The following IRGM variants were observed in gnomAD, a reference collection of about 807,000 sequenced individuals.
IRGM encodes immunity related GTPase M.
For synonymous variants in IRGM, 98 were observed against 80.6 expected (o/e 1.22, Z -1.16); for missense variants, 288 against 219.9 (o/e 1.31, Z -1.96).
At chr5:150,898,787 A>ATT (rs1214306157) in intron 3 of IRGM, among the ~76,000 whole-genome samples, 1 of 152,062 alleles carries the variant, frequency 6.6e-6, no homozygotes, top group Non-Finnish European at 1.5e-5. Context: ...GCATCCAAAT[A>ATT]ACTGGGAGGA....
intron 3 of IRGM, chr5:150,896,759 T>C: frequency 1.2e-6 from 2 of 1,613,810 alleles, no homozygotes; most frequent in Non-Finnish European, 8.5e-7. Context: ...ATTTATGCCC[T>C]GATGCCTCAG....
In IRGM at chr5:150,881,127, CA is replaced by C. The variant is rs34104883; in HGVS notation, c.*140+1495del. Among the ~76,000 whole-genome samples, 810 of 134,438 alleles carry C rather than the reference CA, an allele frequency of 6.0e-3. 2 individuals carry two copies. The highest frequency in any genetic ancestry group is 7.5e-3 in the African/African-American group (288 of 38,420). The allele number at this position is 134,438 out of a possible 152,430, so 88.2% of individuals were successfully genotyped here. On this transcript the variant is annotated intron_variant and NMD_transcript_variant, in intron 3 of 3. Coordinates refer to the IRGM transcript ENST00000520549. ...GGGTGACAAAAGCGAAACTCCATAT[CA>C]AAAAAAAAAAAAATAGCTTCGATTT... is the stretch of plus-strand genomic sequence containing the variant.
intron 2 of IRGM, chr5:150,878,157 T>C: frequency 2.5e-6 from 1 of 397,388 alleles, no homozygotes; most frequent in East Asian, 7.5e-5. Flanking sequence ...AGTTTAAAGT[T>C]TGGAAATAGT....
intron 3 of IRGM, among the ~76,000 whole-genome samples, chr5:150,884,372 A>G (rs1754487468): frequency 6.6e-6 from 1 of 152,040 alleles, no homozygotes; most frequent in Non-Finnish European, 1.5e-5. Context: ...GTAGAGTTGC[A>G]GTGAATATTT....
chr5:150,870,251 G>A (rs1370731924), intron 1 of IRGM, among the ~76,000 whole-genome samples: 2 of 151,998 alleles, frequency 1.3e-5, no homozygotes, highest in South Asian at 2.1e-4. Flanking sequence ...CCCTAACCTC[G>A]GCAAAATAAA....
chr5:150,881,680 A>G (rs1754447653), intron 3 of IRGM, among the ~76,000 whole-genome samples: 1 of 152,178 alleles, frequency 6.6e-6, no homozygotes, highest in Non-Finnish European at 1.5e-5. Flanking sequence ...CATCACTGCA[A>G]TAATTTAAGG....
chr5:150,898,049 A>T, intron 3 of IRGM: 2 of 1,605,096 alleles, frequency 1.2e-6, no homozygotes, highest in Non-Finnish European at 1.7e-6. Context: ...ACATAAATTG[A>T]TATTTCACTT....
chr5:150,862,897 G>A lies in IRGM; in HGVS notation c.158+14243G>A, dbSNP rs116512212. ...AATGAACACACCAGCCTCACTTTCC[G>A]TCTGGCACTACTGCTGCCCATTGGC... is the stretch of plus-strand genomic sequence containing the variant. On this transcript the variant is annotated intron_variant and NMD_transcript_variant, in intron 1 of 3. Transcript: ENST00000520549. Among the ~76,000 whole-genome samples, 658 of 152,234 alleles carry A rather than the reference G, an allele frequency of 4.3e-3. 10 individuals are homozygous for A. Among genetic ancestry groups the A allele is most frequent in the African/African-American group, 0.014 (597 of 41,538 alleles).
At chr5:150,870,509 CTTTT>C (rs60200385) in intron 1 of IRGM, among the ~76,000 whole-genome samples, 4,666 of 135,600 alleles carry the variant, frequency 0.034, 239 homozygotes, top group African/African-American at 0.12. Flanking sequence ...TATACAACTC[CTTTT>C]TTTTTTTTTT....
chr5:150,883,091 A>G (rs1362724144), intron 3 of IRGM, among the ~76,000 whole-genome samples: 9 of 152,144 alleles, frequency 5.9e-5, no homozygotes, highest in Non-Finnish European at 1.2e-4. Context: ...TATTTCATGG[A>G]AATTAAACAG....
chr5:150,862,392 A>T (rs1754149224), intron 1 of IRGM, among the ~76,000 whole-genome samples: 1 of 152,226 alleles, frequency 6.6e-6, no homozygotes, highest in Non-Finnish European at 1.5e-5. Flanking sequence ...ACAAGGGGTG[A>T]ATATCAAAGG....
intron 1 of IRGM, among the ~76,000 whole-genome samples, chr5:150,864,150 C>CA (rs1218495798): frequency 2.0e-5 from 3 of 151,948 alleles, no homozygotes; most frequent in South Asian, 2.1e-4. Flanking sequence ...GGCTACAGGA[C>CA]AAAATCTTAC....
intron 3 of IRGM, chr5:150,895,622 G>A (rs774059963): frequency 1.2e-6 from 2 of 1,613,178 alleles, no homozygotes; most frequent in South Asian, 2.2e-5. Flanking sequence ...GAATTCGCTG[G>A]TGTCCCGGAA....
chr5:150,882,007 C>A (rs1483777808), intron 3 of IRGM, among the ~76,000 whole-genome samples: 4 of 151,950 alleles, frequency 2.6e-5, no homozygotes, highest in Non-Finnish European at 4.4e-5. Flanking sequence ...CATAATGAAG[C>A]ACTGTCTCTG....
At chr5:150,896,541 T>G in intron 3 of IRGM, 1 of 1,613,712 alleles carries the variant, frequency 6.2e-7, no homozygotes, top group Non-Finnish European at 8.5e-7. Flanking sequence ...ATTGTGAATC[T>G]TCTCAAGATT....
At chr5:150,868,845 G>C (rs1302996038) in intron 1 of IRGM, among the ~76,000 whole-genome samples, 1 of 152,068 alleles carries the variant, frequency 6.6e-6, no homozygotes, top group East Asian at 1.9e-4. Flanking sequence ...ATTAAATTCT[G>C]AAACTTCACT....
downstream of IRGM, among the ~76,000 whole-genome samples, chr5:150,849,481 C>T (rs1389024018): frequency 6.6e-6 from 1 of 151,940 alleles, no homozygotes; most frequent in African/African-American, 2.4e-5. Flanking sequence ...TACATATAAA[C>T]TGAAAATATC....
At chr5:150,868,901 G>T (rs1754242436) in intron 1 of IRGM, among the ~76,000 whole-genome samples, 1 of 151,984 alleles carries the variant, frequency 6.6e-6, no homozygotes, top group Non-Finnish European at 1.5e-5. Flanking sequence ...AGTCTTTATG[G>T]TTCTCTGGGT....
intron 3 of IRGM, among the ~76,000 whole-genome samples, chr5:150,891,532 T>C (rs1279913560): frequency 2.0e-5 from 3 of 152,166 alleles, no homozygotes; most frequent in Non-Finnish European, 4.4e-5. Context: ...CTTCTCTTCT[T>C]TTTGGATTTA....
Sources: allele counts gnomAD v4.1 joint callset (sites outside exome capture counted in the v4.1 genomes callset), GRCh38; gene constraint gnomAD v4.1.1; transcripts MANE v1.5; gene names NCBI Gene and HGNC (gene_info 2026-07-23, HGNC 2026-07-21).